The following MELTF variants were observed in gnomAD, a reference collection of about 807,000 sequenced individuals.
The protein encoded by MELTF is melanotransferrin.
MELTF carries 67 observed loss-of-function variants against 83.7 expected under a neutral mutation model. The ratio of observed to expected loss-of-function variants is 0.80; its 90% CI spans 0.66 to 0.98. MELTF has a LOEUF of 0.98. MELTF is among the 50% of genes least tolerant of loss of function. MELTF has a pLI of 0.00. For missense variants in MELTF, 1,002 were observed against 1,035.6 expected (o/e 0.97, Z 0.44); for synonymous variants, 462 against 447.6 (o/e 1.03, Z -0.41).
intron 9 of MELTF, 83 bp from the exon 10 acceptor site, chr3:197,010,877 C>T (rs1719165452): frequency 1.6e-6 from 2 of 1,284,978 alleles, no homozygotes; most frequent in East Asian, 2.4e-5. Context: ...GTGGCAGGGC[C>T]TGGTCTCTTG....
At chr3:197,019,272 G>C in intron 6 of MELTF, 1 of 1,031,918 alleles carries the variant, frequency 9.7e-7, no homozygotes. Flanking sequence ...ACAGACAAAG[G>C]CATCATTTAG....
At chr3:197,015,925 G>C (rs560591260) in intron 8 of MELTF, among the ~76,000 whole-genome samples, 26 of 152,248 alleles carry the variant, frequency 1.7e-4, no homozygotes, top group Admixed American at 3.9e-4. Context: ...TGGATGGGGG[G>C]GCGAGGAGAC....
At chr3:197,018,488 T>G (rs1181153513) in intron 6 of MELTF, among the ~76,000 whole-genome samples, 3 of 141,608 alleles carry the variant, frequency 2.1e-5, no homozygotes, top group Admixed American at 2.1e-4. Flanking sequence ...ACTCTGTCGC[T>G]CAGGCTGGAG....
Position 197,011,686 on chromosome 3 carries a change from A to T in MELTF, c.1234-892T>A, listed in dbSNP as rs1719193251. Among the ~76,000 whole-genome samples, 3 of 152,158 alleles carry T rather than the reference A, an allele frequency of 2.0e-5. No homozygotes were observed. The South Asian group carries it at 6.2e-4, about 32-fold the overall frequency. On this transcript the variant is annotated intron_variant, in intron 9 of 15. Transcript: ENST00000296350. This position sits in a 1 kb window ranked among gnomAD's most constrained non-coding sequence, Gnocchi z 4.2. ...CCTATTGTGCTGTCGGGCAGGACACAGACCCTGCACCACAGCCCAGGGCGC... is the reference window on the plus strand; with the variant it reads ...CCTATTGTGCTGTCGGGCAGGACACTGACCCTGCACCACAGCCCAGGGCGC...
chr3:197,023,338 G>C (rs1330900008), intron 4 of MELTF, among the ~76,000 whole-genome samples: 1 of 152,240 alleles, frequency 6.6e-6, no homozygotes, highest in Non-Finnish European at 1.5e-5. Flanking sequence ...ATTTAAAAAT[G>C]GTTCGGGGGA....
chr3:197,017,734 G>A (rs1346094212), intron 6 of MELTF, among the ~76,000 whole-genome samples: 7 of 152,224 alleles, frequency 4.6e-5, no homozygotes, highest in East Asian at 1.9e-4. Context: ...AAAATTAGCT[G>A]GGCGTGGTGG....
Position 197,003,142 on chromosome 3 carries a change from G to C in MELTF, c.*230C>G, listed in dbSNP as rs1227919610. 2.4e-5 allele frequency: 6 copies of C among 247,520 alleles called. No individual in the cohort carries two copies. Among genetic ancestry groups the C allele is most frequent in the Non-Finnish European group, 3.2e-5 (5 of 155,076 alleles). The allele number at this position is 247,520 out of a possible 1,614,324, so 15.3% of individuals were successfully genotyped here. On this transcript the variant is annotated 3_prime_UTR_variant, in exon 16 of 16. Coordinates refer to ENST00000296350, the MANE Select transcript of MELTF (RefSeq NM_005929.6). The surrounding 1 kb of genome is among the most constrained non-coding windows in gnomAD (Gnocchi z 6.2). ...GGCCTCCTCCGGCGCGGCCCGCGCG[G>C]CTCCAGGTGGCGGGAGGCGGCGGTT...
At position 197,015,195 on chromosome 3, in the gene MELTF, C is replaced by T. The variant is rs550002394; in HGVS notation, c.1233+170G>A. On this transcript the variant is annotated intron_variant, in intron 9 of 15. Transcript: ENST00000296350. ...GCTCCTCCCCGCCTGTCTCTGTCCC[C>T]TGGGGTGGGTGCTGGCCCCTGCGGT... is the stretch of plus-strand genomic sequence containing the variant. 3.9e-5 allele frequency among the ~76,000 whole-genome samples: 6 copies of T among 152,288 alleles called. No individual in the cohort carries two copies. The East Asian group carries it at 9.7e-4, about 25-fold the overall frequency.
At chr3:197,016,894 T>C (rs960009288) in intron 7 of MELTF, among the ~76,000 whole-genome samples, 3 of 152,110 alleles carry the variant, frequency 2.0e-5, no homozygotes, top group African/African-American at 7.2e-5. Context: ...AATCCCTGGG[T>C]CCCCCTCCTC....
At chr3:197,028,006 G>T (rs954504702) in intron 1 of MELTF, 96 bp from the exon 2 acceptor site, 9 of 1,377,966 alleles carry the variant, frequency 6.5e-6, no homozygotes, top group Non-Finnish European at 8.8e-6. Flanking sequence ...GAGCCCATTC[G>T]CCTGGACAGC....
chr3:197,006,597 C>T lies in MELTF; in HGVS notation c.1890G>A (p.Arg630=). The T allele has an allele frequency of 6.2e-7, 1 of 1,613,714 alleles. No individual in the cohort carries two copies. The highest frequency in any genetic ancestry group is 1.1e-5 in the South Asian group (1 of 91,060). ...AQIPPHAVMV[R]PDTNIFTVYG... ...ACACGGTGAAGATGTTGGTGTCGGG[C>T]CGGACCATCACGGCGTGGGGTGGTA... Residue 630 remains arginine (R), a synonymous_variant, in exon 14 of 16, where the codon CGG becomes CGA. Coordinates refer to ENST00000296350, the MANE Select transcript of MELTF (RefSeq NM_005929.6). The surrounding 1 kb of genome is among the most constrained non-coding windows in gnomAD (Gnocchi z 5.4).
At chr3:197,013,218 T>G (rs1719247579) in intron 9 of MELTF, among the ~76,000 whole-genome samples, 1 of 152,204 alleles carries the variant, frequency 6.6e-6, no homozygotes, top group South Asian at 2.1e-4. Flanking sequence ...AACCCGCAGT[T>G]TTACAGCCAG....
At position 197,026,659 on chromosome 3, in the gene MELTF, C is replaced by T; in HGVS notation, c.304+1G>A. On this transcript the variant is annotated splice_donor_variant, in intron 3 of 15. Transcript: ENST00000296350. LOFTEE classifies it high-confidence loss of function. ...TCTCTCCTCCCACTGCACCCTCTTA[C>T]CTTGATCGTACACTTCGCCCACCAC... 1 of 1,612,676 alleles carries T rather than the reference C, an allele frequency of 6.2e-7. No individual in the cohort carries two copies. Among genetic ancestry groups the T allele is most frequent in the East Asian group, 2.2e-5 (1 of 44,890 alleles).
chr3:197,009,396 G>C (rs963775571), intron 11 of MELTF, among the ~76,000 whole-genome samples: 1 of 152,184 alleles, frequency 6.6e-6, no homozygotes. Context: ...TCAGCCCAAG[G>C]GTCTTGCCAG....
chr3:197,018,486 G>A lies in MELTF; in HGVS notation c.713-1196C>T, dbSNP rs1471598769. Among the ~76,000 whole-genome samples the A allele has an allele frequency of 2.7e-5, 4 of 150,732 alleles. 1 individual carries two copies. Among genetic ancestry groups the A allele is most frequent in the South Asian group, 4.2e-4 (2 of 4,760 alleles). Reference sequence around the variant, plus strand: ...TTTTGAGATGGAGTCTTACTCTGTCGCTCAGGCTGGAGTGCAGTGGCATGA... The same window carrying A: ...TTTTGAGATGGAGTCTTACTCTGTCACTCAGGCTGGAGTGCAGTGGCATGA... On this transcript the variant is annotated intron_variant, in intron 6 of 15. Coordinates refer to ENST00000296350, the MANE Select transcript of MELTF (RefSeq NM_005929.6).
Position 197,004,022 on chromosome 3 carries a change from A to G in MELTF, c.2016T>C (p.Leu672=), listed in dbSNP as rs759278862. The change falls in exon 15 of 16, where the codon CTT becomes CTC. Residue 672 remains leucine, a synonymous_variant. Coordinates refer to ENST00000296350, the MANE Select transcript of MELTF (RefSeq NM_005929.6). ...DSSNYHGQDL[L]FKDATVRAVP... is the part of the protein sequence containing the mutation. ...CCGCCCGGACGGTGGCATCCTTGAA[A>G]AGCAGGTCTTGGCCATGATAGTTGG... 1.2e-6 allele frequency: 2 copies of G among 1,614,046 alleles called. No individual in the cohort carries two copies. The highest frequency in any genetic ancestry group is 2.7e-5 in the African/African-American group (2 of 74,930).
At chr3:197,016,804 T>C (rs578077908) in intron 7 of MELTF, among the ~76,000 whole-genome samples, 20 of 142,782 alleles carry the variant, frequency 1.4e-4, no homozygotes, top group African/African-American at 5.0e-4. Flanking sequence ...GCTGGTTTTG[T>C]TACTTGGTTT....
chr3:197,002,915 CGCGCCGGGTCCCGTTG>C lies in MELTF; in HGVS notation c.*441_*456del, dbSNP rs1316120622. 6.6e-6 allele frequency: 1 copy of C among 151,898 alleles called. No individual in the cohort carries two copies. Among genetic ancestry groups the C allele is most frequent in the Admixed American group, 6.6e-5 (1 of 15,236 alleles). 9.4% of individuals were successfully genotyped at this position (151,898 alleles called of 1,614,324 possible). A position where few individuals can be genotyped will look rare whatever the true frequency, so the allele number is the denominator to read the frequency against. ...GCCGCCAGCAGAGGCCGCTGTCCCA[CGCGCCGGGTCCCGTTG>C]GCGCCGGGGCCTCCTGGGACGGCCT... On this transcript the variant is annotated 3_prime_UTR_variant, in exon 16 of 16. Transcript: ENST00000296350.
At chr3:197,020,491 A>G (rs1015499297) in intron 6 of MELTF, among the ~76,000 whole-genome samples, 44 of 150,360 alleles carry the variant, frequency 2.9e-4, no homozygotes, top group Non-Finnish European at 5.6e-4. Context: ...ACACACACGC[A>G]CACACACACA....
Sources: gnomAD v4.1 joint callset for allele counts (sites outside exome capture counted in the v4.1 genomes callset) on GRCh38, gnomAD v4.1.1 for gene constraint, Gnocchi (gnomAD v3.1) non-coding constraint, MANE v1.5 for transcripts, NCBI Gene and HGNC (gene_info 2026-07-23, HGNC 2026-07-21) for gene names.